UGGT2: variants seen among roughly 807,000 people sequenced by gnomAD.
UGGT2 encodes UDP-glucose:glycoprotein glucosyltransferase 2.
Under a neutral mutation model 192.1 loss-of-function variants are expected in UGGT2, and 180 were observed. The ratio of observed to expected loss-of-function variants is 0.94; its 90% CI spans 0.83 to 1.06. UGGT2 has a LOEUF of 1.06. Among genes scored for constraint, UGGT2 ranks in the 50% least tolerant of loss-of-function variants. UGGT2 has a pLI of 0.00. For synonymous variants in UGGT2, 580 were observed against 591.0 expected (o/e 0.98, Z 0.27); for missense variants, 1,849 against 1,795.7 (o/e 1.03, Z -0.54).
chr13:95,848,432 T>C (rs1478052763), intron 36 of UGGT2, among the ~76,000 whole-genome samples: 1 of 152,204 alleles, frequency 6.6e-6, no homozygotes, highest in African/African-American at 2.4e-5. Flanking sequence ...ATTTTGTGTT[T>C]TACATTCAAG....
intron 17 of UGGT2, among the ~76,000 whole-genome samples, chr13:95,931,019 G>C (rs1265034129): frequency 1.3e-5 from 2 of 152,142 alleles, no homozygotes; most frequent in East Asian, 3.9e-4. Context: ...GGCTGGCTTG[G>C]GCAGCCTGCT....
intron 10 of UGGT2, among the ~76,000 whole-genome samples, chr13:95,978,471 T>C (rs560377204): frequency 6.6e-6 from 1 of 152,346 alleles, no homozygotes; most frequent in East Asian, 1.9e-4. Context: ...TCCCATTCTG[T>C]AGATTTTCTC....
intron 30 of UGGT2, among the ~76,000 whole-genome samples, chr13:95,864,390 T>C (rs921614840): frequency 4.6e-5 from 7 of 152,186 alleles, no homozygotes; most frequent in Non-Finnish European, 8.8e-5. Flanking sequence ...GTTTTCATTA[T>C]GACAATGTAA....
intron 20 of UGGT2, among the ~76,000 whole-genome samples, chr13:95,920,064 T>C (rs2140396233): frequency 6.6e-6 from 1 of 152,304 alleles, no homozygotes; most frequent in Admixed American, 6.5e-5. Flanking sequence ...TACAACCATC[T>C]GATCTTCGAC....
chr13:95,896,392 C>T (rs1245065475), intron 22 of UGGT2, among the ~76,000 whole-genome samples: 1 of 151,984 alleles, frequency 6.6e-6, no homozygotes, highest in Non-Finnish European at 1.5e-5. Flanking sequence ...AAAATGGGCA[C>T]TATAATACTA....
chr13:95,937,456 T>C (rs1223568268), intron 16 of UGGT2, among the ~76,000 whole-genome samples: 2 of 152,178 alleles, frequency 1.3e-5, no homozygotes, highest in Non-Finnish European at 2.9e-5. Context: ...TGATTCTTGG[T>C]ATAGAGTATG....
chr13:96,018,926 A>G (rs921572729), intron 4 of UGGT2, among the ~76,000 whole-genome samples: 5 of 151,724 alleles, frequency 3.3e-5, no homozygotes, highest in African/African-American at 1.2e-4. Context: ...AAATCTAGGA[A>G]GGAGAAACAT....
At chr13:95,833,363 T>G (rs889547033) in intron 37 of UGGT2, among the ~76,000 whole-genome samples, 1 of 152,200 alleles carries the variant, frequency 6.6e-6, no homozygotes, top group East Asian at 1.9e-4. Flanking sequence ...ATTACCACTA[T>G]GTAGAAGAAC....
chr13:96,034,310 A>C (rs1003587490), intron 1 of UGGT2, among the ~76,000 whole-genome samples: 8 of 152,160 alleles, frequency 5.3e-5, no homozygotes, highest in African/African-American at 1.4e-4. Flanking sequence ...TCTCCTCTCT[A>C]GTGACAGCTG....
Position 95,856,548 on chromosome 13 carries a change from T to C in UGGT2, c.3826-208A>G, listed in dbSNP as rs138884485. On this transcript the variant is annotated intron_variant, in intron 33 of 38. Transcript: ENST00000376747. ...GAAATCACAAGTATAAATAAAACTA[T>C]ATAATTTAACGTCATTAAAAATAAG... 132 of 529,230 alleles carry C rather than the reference T, an allele frequency of 2.5e-4. 1 individual carries two copies. In the East Asian group the frequency reaches 4.3e-3, roughly 17 times the overall value. The allele number at this position is 529,230 out of a possible 1,614,324, so 32.8% of individuals were successfully genotyped here.
intron 38 of UGGT2, among the ~76,000 whole-genome samples, chr13:95,821,773 T>C (rs1885542008): frequency 6.6e-6 from 1 of 152,200 alleles, no homozygotes; most frequent in Non-Finnish European, 1.5e-5. Context: ...TTCATTCTTC[T>C]ATATGTGGCT....
chr13:95,981,798 C>T (rs1402370763), intron 10 of UGGT2, among the ~76,000 whole-genome samples: 1 of 152,124 alleles, frequency 6.6e-6, no homozygotes, highest in Non-Finnish European at 1.5e-5. Flanking sequence ...ATTTTCTTAC[C>T]TTCTCATCAC....
At chr13:96,049,727 C>T (rs1376265550) in intron 1 of UGGT2, among the ~76,000 whole-genome samples, 1 of 152,110 alleles carries the variant, frequency 6.6e-6, no homozygotes, top group Non-Finnish European at 1.5e-5. Context: ...CTCCCATTCA[C>T]AATTGCTTCA....
At chr13:95,855,062 A>G (rs1375702318) in intron 34 of UGGT2, among the ~76,000 whole-genome samples, 1 of 145,270 alleles carries the variant, frequency 6.9e-6, no homozygotes, top group Non-Finnish European at 1.5e-5. Context: ...GCTTGAGGCC[A>G]GAAGTTTGAG....
intron 10 of UGGT2, among the ~76,000 whole-genome samples, chr13:95,979,546 C>G (rs201763718): frequency 1.7e-4 from 1 of 5,894 alleles, no homozygotes; most frequent in Non-Finnish European, 5.9e-4. Context: ...TGGTCTCTTA[C>G]GCAAAAAAAA....
chr13:95,818,614 G>C (rs961423619), intron 38 of UGGT2, among the ~76,000 whole-genome samples: 1 of 152,136 alleles, frequency 6.6e-6, no homozygotes, highest in Non-Finnish European at 1.5e-5. Flanking sequence ...GAAGTCTCTA[G>C]CATCTTCCAG....
At position 95,854,299 on chromosome 13, in the gene UGGT2, G is replaced by C. The variant is rs960091103; in HGVS notation, c.4169+16C>G. ...ATTACTTATTTACTAAATGGTAAGG[G>C]TCTGACTTTTCTTACCTGATATGGT... On this transcript the variant is annotated intron_variant, in intron 35 of 38. Transcript: ENST00000376747. 5.0e-6 allele frequency: 8 copies of C among 1,604,658 alleles called. No homozygotes were observed. Among genetic ancestry groups the C allele is most frequent in the African/African-American group, 1.3e-5 (1 of 74,394 alleles).
chr13:95,928,054 T>C lies in UGGT2; in HGVS notation c.1978-718A>G, dbSNP rs181282921. ...GTACAGAACAAAATGGAGTCTCCTA[T>C]GCCCACTTCTTTCTACACAGACACA... On this transcript the variant is annotated intron_variant, in intron 17 of 38. Transcript: ENST00000376747. Among the ~76,000 whole-genome samples the C allele has an allele frequency of 1.9e-3, 284 of 152,376 alleles. 1 individual carries two copies. The highest frequency in any genetic ancestry group is 6.6e-3 in the African/African-American group (273 of 41,594).
At chr13:95,836,999 C>T (rs1887358877) in intron 37 of UGGT2, 87 bp downstream of exon 37, 2 of 1,009,586 alleles carry the variant, frequency 2.0e-6, no homozygotes, top group Non-Finnish European at 1.6e-6. Flanking sequence ...AATACGTATG[C>T]CACTCCCTTT....
Sources: gnomAD v4.1 joint callset for allele counts (sites outside exome capture counted in the v4.1 genomes callset) on GRCh38, gnomAD v4.1.1 for gene constraint, MANE v1.5 for transcripts, NCBI Gene and HGNC (gene_info 2026-07-23, HGNC 2026-07-21) for gene names.